The following DCAF6 variants were observed in gnomAD, a reference collection of about 807,000 sequenced individuals.
DCAF6 encodes the protein DDB1 and CUL4 associated factor 6, also known as DDB1- and CUL4-associated factor 6.
Under a neutral mutation model 125.1 loss-of-function variants are expected in DCAF6, and 54 were observed. The ratio of observed to expected loss-of-function variants is 0.43; its 90% CI spans 0.35 to 0.54. The LOEUF (loss-of-function observed/expected upper bound fraction) is 0.54, where lower values mean the gene tolerates loss of function less well. Ranked by LOEUF, DCAF6 falls within the 20% of genes least tolerant of loss-of-function variation. DCAF6 has a pLI of 0.01. For missense variants in DCAF6, 934 were observed against 1,161.7 expected, an observed-to-expected ratio of 0.80 and a Z score of 2.85; for synonymous variants, 371 against 390.4, an observed-to-expected ratio of 0.95 and a Z score of 0.58.
At chr1:168,048,469 A>G (rs1290275724) in intron 16 of DCAF6, among the ~76,000 whole-genome samples, 6 of 152,256 alleles carry the variant, frequency 3.9e-5, no homozygotes, top group Non-Finnish European at 7.3e-5. Flanking sequence ...TACTGAAAAT[A>G]TCAGAACAGT....
intron 12 of DCAF6, among the ~76,000 whole-genome samples, chr1:168,029,041 T>C (rs1248360396): frequency 6.6e-6 from 1 of 152,198 alleles, no homozygotes; most frequent in African/African-American, 2.4e-5. Flanking sequence ...AATTTCTTCC[T>C]ATCCCCAACT....
chr1:167,974,793 A>G (rs1300701863), intron 3 of DCAF6, 37 bp from the exon 4 acceptor site: 2 of 1,418,488 alleles, frequency 1.4e-6, no homozygotes, highest in Non-Finnish European at 9.3e-7. Context: ...CTAGGAAATA[A>G]TAAGTTACCA....
At chr1:167,895,126 G>A in the DCAF6 span, among the ~76,000 whole-genome samples, 2 of 149,988 alleles carry the variant, frequency 1.3e-5, no homozygotes, top group African/African-American at 2.5e-5. Context: ...AGGTTGCAGT[G>A]AGCCCATATC....
intron 7 of DCAF6, among the ~76,000 whole-genome samples, chr1:167,996,823 G>A (rs1681781519): frequency 6.6e-6 from 1 of 151,954 alleles, no homozygotes; most frequent in African/African-American, 2.4e-5. Flanking sequence ...CTGGATACCT[G>A]GATTTTTTCT....
intron 3 of DCAF6, among the ~76,000 whole-genome samples, chr1:167,967,055 T>C (rs1252726732): frequency 1.3e-5 from 2 of 152,154 alleles, no homozygotes; most frequent in African/African-American, 2.4e-5. Flanking sequence ...AAATTACTTT[T>C]ATGTGTTACC....
At position 167,975,578 on chromosome 1, in the gene DCAF6, C is replaced by A. The variant is rs561422426; in HGVS notation, c.438+563C>A. Among the ~76,000 whole-genome samples, 3 of 152,314 alleles carry A rather than the reference C, an allele frequency of 2.0e-5. No individual in the cohort carries two copies. The South Asian group carries it at 6.2e-4, about 32-fold the overall frequency. ...CTCTTTTATTTATGATACAGGGTCA[C>A]ACTGTCACTCACACTGGAGTGCAGT... On this transcript the variant is annotated intron_variant, in intron 4 of 21. Coordinates refer to ENST00000367840, the MANE Select transcript of DCAF6 (RefSeq NM_001198956.2).
At chr1:167,902,018 G>A in the DCAF6 span, 4 of 1,610,984 alleles carry the variant, frequency 2.5e-6, no homozygotes, top group Non-Finnish European at 3.4e-6. Context: ...CCCCATACCT[G>A]CAAATTTCAG....
chr1:167,935,823 G>A (rs1322376460), upstream of DCAF6: 3 of 1,552,504 alleles, frequency 1.9e-6, no homozygotes, highest in South Asian at 3.6e-5. Flanking sequence ...CGCAGGCCTC[G>A]GGCACCGGCG....
intron 7 of DCAF6, chr1:167,998,588 A>T (rs932617330): frequency 6.6e-5 from 11 of 166,148 alleles, no homozygotes; most frequent in African/African-American, 2.4e-4. Context: ...AACTAAGTTT[A>T]TGTAGTACTC....
At chr1:168,066,240 T>A in intron 19 of DCAF6, 137 bp from the exon 20 acceptor site, 1 of 460,448 alleles carries the variant, frequency 2.2e-6, no homozygotes, top group Non-Finnish European at 3.8e-6. Flanking sequence ...AATAATATTT[T>A]CAATTAACAG....
chr1:168,036,444 CATTTAT>C (rs1245810907), intron 12 of DCAF6, among the ~76,000 whole-genome samples: 1 of 151,324 alleles, frequency 6.6e-6, no homozygotes, highest in African/African-American at 2.5e-5. Context: ...AACAGCAAAA[CATTTAT>C]AAAATATTAA....
chr1:167,885,196 A>G, the DCAF6 span, among the ~76,000 whole-genome samples: 1 of 152,132 alleles, frequency 6.6e-6, no homozygotes, highest in Admixed American at 6.5e-5. Flanking sequence ...CTGTTGATGG[A>G]CACTTAAGCT....
chr1:168,031,321 A>C (rs967873642), intron 12 of DCAF6, among the ~76,000 whole-genome samples: 1 of 152,242 alleles, frequency 6.6e-6, no homozygotes, highest in African/African-American at 2.4e-5. Flanking sequence ...GGATGGCGAC[A>C]TAGAACAGCG....
chr1:167,871,750 TTGG>T, the DCAF6 span, among the ~76,000 whole-genome samples: 3 of 152,250 alleles, frequency 2.0e-5, no homozygotes, highest in Non-Finnish European at 4.4e-5. Context: ...AGTGCTTTGC[TTGG>T]TAATATACAT....
intron 17 of DCAF6, among the ~76,000 whole-genome samples, chr1:168,052,144 A>G (rs928102134): frequency 2.0e-5 from 3 of 152,176 alleles, no homozygotes; most frequent in African/African-American, 7.2e-5. Flanking sequence ...TTGGCCTCCC[A>G]GAGTGCTGGG....
chr1:167,930,548 G>C, the DCAF6 span, among the ~76,000 whole-genome samples: 6 of 152,232 alleles, frequency 3.9e-5, no homozygotes, highest in Non-Finnish European at 7.4e-5. Context: ...CTGAATGTAA[G>C]AAAAGTCCTA....
chr1:167,956,838 A>G (rs1288716695), intron 2 of DCAF6, among the ~76,000 whole-genome samples: 1 of 152,010 alleles, frequency 6.6e-6, no homozygotes, highest in Admixed American at 6.6e-5. Flanking sequence ...TTCTATGGCC[A>G]TCTGTTATTT....
rs61636395 is a variant in DCAF6 at position 168,040,715 on chromosome 1, T to G, written c.1727+2227T>G. 7.1e-3 allele frequency among the ~76,000 whole-genome samples: 1,059 copies of G among 149,948 alleles called. 13 individuals are homozygous for G. The highest frequency in any genetic ancestry group is 0.024 in the African/African-American group (991 of 41,248). On this transcript the variant is annotated intron_variant, in intron 13 of 21. Coordinates refer to ENST00000367840, the MANE Select transcript of DCAF6 (RefSeq NM_001198956.2). ...TCTGAAGAATCTTATCTAAACTTTT[T>G]GGGCTTTTTTTTTTTTTAGAGAAAA...
the DCAF6 span, among the ~76,000 whole-genome samples, chr1:167,867,053 C>T: frequency 1.3e-5 from 2 of 152,232 alleles, no homozygotes; most frequent in African/African-American, 2.4e-5. Context: ...GATACCAAAG[C>T]TTGCTCTGTG....
Sources: allele counts gnomAD v4.1 joint callset (sites outside exome capture counted in the v4.1 genomes callset), GRCh38; gene constraint gnomAD v4.1.1; transcripts MANE v1.5; gene names NCBI Gene and HGNC (gene_info 2026-07-23, HGNC 2026-07-21).